GPC5: variants seen among roughly 807,000 people sequenced by gnomAD.
GPC5 encodes the protein glypican 5.
In GPC5, 47 loss-of-function variants were observed where a neutral mutation model predicts 53.9. That is an observed-to-expected ratio of 0.87 (90% CI 0.69 to 1.11). The LOEUF (loss-of-function observed/expected upper bound fraction) is 1.11. GPC5 is among the 50% of genes most tolerant of loss of function. The probability of loss-of-function intolerance (pLI) is 0.00; values close to 1 mark genes in which losing one functional copy is unlikely to be tolerated. For synonymous variants in GPC5, 286 were observed against 263.3 expected (o/e 1.09, Z -0.84); for missense variants, 748 against 713.1 (o/e 1.05, Z -0.56).
intron 5 of GPC5, among the ~76,000 whole-genome samples, chr13:91,792,403 C>G (rs1209636397): frequency 6.6e-6 from 1 of 152,140 alleles, no homozygotes; most frequent in Non-Finnish European, 1.5e-5. Flanking sequence ...GCATTTCTCC[C>G]ACAGGAATTA....
At chr13:92,103,056 T>TG (rs1464018465) in intron 6 of GPC5, among the ~76,000 whole-genome samples, 1 of 152,076 alleles carries the variant, frequency 6.6e-6, no homozygotes, top group Non-Finnish European at 1.5e-5. Context: ...AGAGACAGGG[T>TG]GTCCTATGTT....
At chr13:91,996,080 G>C (rs919221692) in intron 6 of GPC5, 1 of 152,206 alleles carries the variant, frequency 6.6e-6, no homozygotes, top group Non-Finnish European at 1.5e-5. Flanking sequence ...AGGGGCAAAA[G>C]GTAAGAATTC....
rs1879361659 is a variant in GPC5 at position 92,867,233 on chromosome 13, A to G, written c.*794A>G. On this transcript the variant is annotated 3_prime_UTR_variant, in exon 8 of 8. Coordinates refer to ENST00000377067, the MANE Select transcript of GPC5 (RefSeq NM_004466.6). ...AATAAAGCTGTTAACTATTTGGTGGAAAAATTTGAAGAATATTTGTCATTT... is the reference window on the plus strand; with the variant it reads ...AATAAAGCTGTTAACTATTTGGTGGGAAAATTTGAAGAATATTTGTCATTT... 6.6e-6 allele frequency: 1 copy of G among 151,506 alleles called. No individual in the cohort carries two copies. Among genetic ancestry groups the G allele is most frequent in the African/African-American group, 2.4e-5 (1 of 40,862 alleles). 9.4% of individuals were successfully genotyped at this position (151,506 alleles called of 1,614,324 possible).
intron 7 of GPC5, among the ~76,000 whole-genome samples, chr13:92,678,470 A>G (rs1022177648): frequency 6.6e-6 from 1 of 152,194 alleles, no homozygotes; most frequent in African/African-American, 2.4e-5. Context: ...GAGATGAGGG[A>G]AGTCATCAAG....
At chr13:91,593,592 G>C (rs2139178309) in intron 2 of GPC5, among the ~76,000 whole-genome samples, 1 of 151,984 alleles carries the variant, frequency 6.6e-6, no homozygotes, top group East Asian at 1.9e-4. Context: ...CTCTCTACAG[G>C]GTCTCTAGGG....
At chr13:92,035,313 T>C (rs1307761126) in intron 6 of GPC5, among the ~76,000 whole-genome samples, 3 of 152,120 alleles carry the variant, frequency 2.0e-5, no homozygotes, top group African/African-American at 7.2e-5. Flanking sequence ...GCTCCGATTC[T>C]CCCATTACTT....
At chr13:92,500,485 G>A (rs953777689) in intron 7 of GPC5, among the ~76,000 whole-genome samples, 3 of 152,298 alleles carry the variant, frequency 2.0e-5, no homozygotes, top group Admixed American at 1.3e-4. Flanking sequence ...GTAAACAAGC[G>A]ATTTAGATAG....
chr13:92,374,033 A>T (rs1264739185), intron 7 of GPC5, among the ~76,000 whole-genome samples: 1 of 152,180 alleles, frequency 6.6e-6, no homozygotes, highest in Non-Finnish European at 1.5e-5. Context: ...GAGTTGCCAT[A>T]TCCTATAAAT....
In GPC5 at chr13:91,680,332, C is replaced by T. The variant is rs569684449; in HGVS notation, c.326-12855C>T. ...GGCATGGTGGCATATGCCTGTAATC[C>T]CAGCTACTCTGGAGACTGAGGCAGG... On this transcript the variant is annotated intron_variant, in intron 2 of 7. Coordinates refer to ENST00000377067, the MANE Select transcript of GPC5 (RefSeq NM_004466.6). Among the ~76,000 whole-genome samples, 4 of 152,210 alleles carry T rather than the reference C, an allele frequency of 2.6e-5. No homozygotes were observed. The South Asian group carries it at 8.3e-4, about 32-fold the overall frequency.
At chr13:92,663,614 C>A (rs372965913) in intron 7 of GPC5, among the ~76,000 whole-genome samples, 92 of 78,546 alleles carry the variant, frequency 1.2e-3, no homozygotes, top group Admixed American at 3.0e-3. Flanking sequence ...ATATATATAT[C>A]TACTATATAT....
At chr13:92,708,977 C>T (rs1419391617) in intron 7 of GPC5, among the ~76,000 whole-genome samples, 3 of 137,790 alleles carry the variant, frequency 2.2e-5, no homozygotes, top group Non-Finnish European at 3.0e-5. Context: ...CCACCTACCA[C>T]ATTCAAGTGA....
At chr13:91,456,235 T>C (rs890747120) in intron 2 of GPC5, among the ~76,000 whole-genome samples, 5 of 152,152 alleles carry the variant, frequency 3.3e-5, no homozygotes, top group Non-Finnish European at 7.4e-5. Flanking sequence ...TAACAATTTT[T>C]CCAAACCAAA....
intron 2 of GPC5, among the ~76,000 whole-genome samples, chr13:91,535,832 A>G (rs1886566880): frequency 6.6e-6 from 1 of 152,188 alleles, no homozygotes; most frequent in Non-Finnish European, 1.5e-5. Context: ...AATTTAGAAT[A>G]TTCAGTAAAT....
intron 7 of GPC5, among the ~76,000 whole-genome samples, chr13:92,509,187 C>T (rs1292314044): frequency 6.6e-6 from 1 of 152,156 alleles, no homozygotes; most frequent in Non-Finnish European, 1.5e-5. Flanking sequence ...AACATTACAT[C>T]CCAGCAACAT....
At chr13:91,817,966 G>A (rs2038426054) in intron 5 of GPC5, among the ~76,000 whole-genome samples, 2 of 151,890 alleles carry the variant, frequency 1.3e-5, no homozygotes, top group African/African-American at 2.4e-5. Flanking sequence ...GCTGGCCAGG[G>A]TACTAATATT....
At chr13:92,133,555 G>T (rs1241668025) in intron 6 of GPC5, among the ~76,000 whole-genome samples, 1 of 152,248 alleles carries the variant, frequency 6.6e-6, no homozygotes. Flanking sequence ...GATGAAGAAA[G>T]TTTTTAAAAT....
rs11838744 is a variant in GPC5 at position 92,043,736 on chromosome 13, C to T, written c.1402-101094C>T. 5.5e-3 allele frequency among the ~76,000 whole-genome samples: 835 copies of T among 152,136 alleles called. 12 individuals carry two copies. The highest frequency in any genetic ancestry group is 0.019 in the African/African-American group (798 of 41,496). ...GAATAATTTAGGGAGCTAAGAATATCGGGTGTTGGAAAAATCATGTATATG... is the reference window on the plus strand; with the variant it reads ...GAATAATTTAGGGAGCTAAGAATATTGGGTGTTGGAAAAATCATGTATATG... On this transcript the variant is annotated intron_variant, in intron 6 of 7. Coordinates refer to ENST00000377067, the MANE Select transcript of GPC5 (RefSeq NM_004466.6).
At chr13:91,442,844 G>A (rs1880532642) in intron 1 of GPC5, among the ~76,000 whole-genome samples, 2 of 152,154 alleles carry the variant, frequency 1.3e-5, no homozygotes, top group Admixed American at 6.5e-5. Flanking sequence ...GATTAATGGT[G>A]ACATTCAAAG....
intron 7 of GPC5, among the ~76,000 whole-genome samples, chr13:92,508,194 C>T (rs967028074): frequency 6.6e-6 from 1 of 152,168 alleles, no homozygotes; most frequent in Non-Finnish European, 1.5e-5. Flanking sequence ...GATCCCATGA[C>T]TTCGTGATCT....
Sources: gnomAD v4.1 joint callset for allele counts (sites outside exome capture counted in the v4.1 genomes callset) on GRCh38, gnomAD v4.1.1 for gene constraint, MANE v1.5 for transcripts, NCBI Gene and HGNC (gene_info 2026-07-23, HGNC 2026-07-21) for gene names.